Variants in GUCY2C observed in about 807,000 individuals in gnomAD.
GUCY2C encodes the protein guanylate cyclase 2C, also known as guanylyl cyclase C.
Under a neutral mutation model 131.1 loss-of-function variants are expected in GUCY2C, and 118 were observed. The observed-to-expected ratio is 0.90, with a 90% CI of 0.78 to 1.05. The LOEUF (loss-of-function observed/expected upper bound fraction) is 1.05. Ranked by LOEUF, GUCY2C falls within the 50% of genes least tolerant of loss-of-function variation. The probability of loss-of-function intolerance (pLI) is 0.00; values close to 1 mark genes in which losing one functional copy is unlikely to be tolerated. For synonymous variants in GUCY2C, 452 were observed against 457.8 expected, an observed-to-expected ratio of 0.99 and a Z score of 0.16; for missense variants, 1,161 against 1,304.4, an observed-to-expected ratio of 0.89 and a Z score of 1.69.
At chr12:14,684,178 A>G (rs1016604381) in intron 3 of GUCY2C, among the ~76,000 whole-genome samples, 1 of 152,034 alleles carries the variant, frequency 6.6e-6, no homozygotes, top group Non-Finnish European at 1.5e-5. Flanking sequence ...ATTAAATGCA[A>G]CTTCCTTCAC....
intron 21 of GUCY2C, among the ~76,000 whole-genome samples, chr12:14,622,676 C>T (rs1946920537): frequency 6.6e-6 from 1 of 152,096 alleles, no homozygotes; most frequent in South Asian, 2.1e-4. Context: ...TATGGCATTG[C>T]TTAATATTAC....
intron 17 of GUCY2C, 147 bp from the exon 18 acceptor site, chr12:14,641,366 A>C: frequency 2.7e-6 from 2 of 751,462 alleles, no homozygotes; most frequent in Non-Finnish European, 4.2e-6. Flanking sequence ...TATGATTCCA[A>C]ATTTTTGAAA....
intron 6 of GUCY2C, among the ~76,000 whole-genome samples, chr12:14,678,996 C>A (rs890558553): frequency 6.6e-6 from 1 of 152,086 alleles, no homozygotes. Context: ...AGTGACTACG[C>A]CACAGAGGGT....
chr12:14,641,258 G>A lies in GUCY2C; in HGVS notation c.1931-39C>T, dbSNP rs371210883. On this transcript the variant is annotated intron_variant, in intron 17 of 26. Transcript: ENST00000261170. ...CATTGAGATTACAAAGTTGAGGGGG[G>A]TGAGTGGTTCATAGGCCTCCAACCT... is the stretch of plus-strand genomic sequence containing the variant. 1.7e-5 allele frequency: 27 copies of A among 1,607,292 alleles called. No individual in the cohort carries two copies. The African/African-American group carries it at 3.3e-4, about 20-fold the overall frequency.
rs202042180 is a variant in GUCY2C, at chr12:14,696,393, C to T, written c.56G>A (p.Trp19Ter). Residue 19 changes from tryptophan (W) to a stop codon, truncating the protein, a stop_gained, in exon 1 of 27, where the codon TGG becomes TAG. Transcript: ENST00000261170. LOFTEE classifies it high-confidence loss of function. The stretch of plus-strand genomic sequence containing the variant: ...ACTCACCTGGGAACTAAAGGACAGC[C>T]ACCCGGGCTGGAAGAGCAGTGACCA... Reference protein sequence around the residue: ...ALWSLLFQPGWLSFSSQVSQN... With the variant: ...ALWSLLFQPG 9.9e-6 allele frequency: 16 copies of T among 1,614,006 alleles called. No homozygotes were observed. The highest frequency in any genetic ancestry group is 1.3e-5 in the African/African-American group (1 of 74,910).
chr12:14,684,367 T>C (rs1948414773), intron 3 of GUCY2C, among the ~76,000 whole-genome samples: 1 of 151,974 alleles, frequency 6.6e-6, no homozygotes, highest in African/African-American at 2.4e-5. Flanking sequence ...CATCTCCTCA[T>C]CTCTCTACTC....
Position 14,625,905 on chromosome 12 carries a change from C to T in GUCY2C, c.2260G>A (p.Asp754Asn). ...TLAKIFGLFH[D>N]QKNESYMDTL... ...TCCATATAGCTTTCATTTTTTTGGT[C>T]ATGAAAAAGTCTGTAGGTAGTAATA... Residue 754 changes from aspartate to asparagine, a missense_variant, in exon 21 of 27, where the codon GAC becomes AAC. Asp to Asn is a conservative substitution (Grantham distance 23, BLOSUM62 1). Coordinates refer to ENST00000261170, the MANE Select transcript of GUCY2C (RefSeq NM_004963.4). 2 of 1,609,704 alleles carry T rather than the reference C, an allele frequency of 1.2e-6. No homozygotes were observed. The highest frequency in any genetic ancestry group is 1.7e-6 in the Non-Finnish European group (2 of 1,176,660).
At chr12:14,659,719 T>A (rs1008639217) in intron 11 of GUCY2C, among the ~76,000 whole-genome samples, 1 of 152,194 alleles carries the variant, frequency 6.6e-6, no homozygotes, top group Admixed American at 6.5e-5. Context: ...GAGCCAACTG[T>A]CATTCATACT....
At position 14,683,190 on chromosome 12, in the gene GUCY2C, CT is replaced by C. The variant is rs1417567186; in HGVS notation, c.462del (p.Glu155LysfsTer3). ...GGAGACATCAGCCTGGTTAAGGTTT[CT>C]TTATAGTCACATGACAATCCAAAAC... is the stretch of plus-strand genomic sequence containing the variant. ...AGSFGLSCDY[K>X]ETLTRLMSPA... is the part of the protein sequence containing the mutation. On this transcript the variant is annotated frameshift_variant, in exon 4 of 27. Transcript: ENST00000261170. LOFTEE classifies it high-confidence loss of function. The C allele has an allele frequency of 6.2e-7, 1 of 1,613,686 alleles. No homozygotes were observed. The highest frequency in any genetic ancestry group is 1.7e-5 in the Admixed American group (1 of 60,000).
chr12:14,625,653 A>G (rs1592082283), intron 21 of GUCY2C, 104 bp downstream of exon 21: 1 of 1,232,318 alleles, frequency 8.1e-7, no homozygotes, highest in East Asian at 2.4e-5. Context: ...TTTAAAACCA[A>G]TAATCTACTG....
chr12:14,616,511 T>A, intron 25 of GUCY2C, 122 bp downstream of exon 25: 1 of 694,954 alleles, frequency 1.4e-6, no homozygotes, highest in South Asian at 1.6e-5. Context: ...GGATGGAGGG[T>A]GCTCATCGTG....
At chr12:14,686,370 T>C (rs555310905) in intron 2 of GUCY2C, 145 bp from the exon 3 acceptor site, 7 of 645,858 alleles carry the variant, frequency 1.1e-5, no homozygotes, top group Non-Finnish European at 1.9e-5. Flanking sequence ...TAGGGTGCCT[T>C]GGTCTGGACA....
intron 1 of GUCY2C, among the ~76,000 whole-genome samples, chr12:14,692,184 T>G (rs1948586618): frequency 6.6e-6 from 1 of 152,224 alleles, no homozygotes; most frequent in South Asian, 2.1e-4. Context: ...CCTTATTTTT[T>G]TCTACTCTCC....
chr12:14,674,127 T>G (rs535744015), intron 8 of GUCY2C, among the ~76,000 whole-genome samples: 2 of 152,264 alleles, frequency 1.3e-5, no homozygotes, highest in South Asian at 2.1e-4. Flanking sequence ...AGATGGGAGT[T>G]TCACTAGGGG....
intron 10 of GUCY2C, among the ~76,000 whole-genome samples, chr12:14,661,304 C>T (rs1163476282): frequency 1.3e-5 from 2 of 152,116 alleles, no homozygotes; most frequent in Admixed American, 1.3e-4. Context: ...CATCTCTATT[C>T]TTTCTAATAA....
At chr12:14,676,162 A>G (rs954548545) in intron 7 of GUCY2C, among the ~76,000 whole-genome samples, 3 of 152,204 alleles carry the variant, frequency 2.0e-5, no homozygotes, top group Non-Finnish European at 1.5e-5. Context: ...CTCTGTGGGA[A>G]GAATGCATCT....
chr12:14,649,392 T>C (rs1947593140), intron 15 of GUCY2C, among the ~76,000 whole-genome samples: 1 of 152,202 alleles, frequency 6.6e-6, no homozygotes. Flanking sequence ...GTAGTTCTCA[T>C]TATCTATATA....
At chr12:14,681,759 T>C (rs1003344256) in intron 4 of GUCY2C, among the ~76,000 whole-genome samples, 6 of 152,214 alleles carry the variant, frequency 3.9e-5, no homozygotes, top group Non-Finnish European at 8.8e-5. Context: ...ATTTTGTGAA[T>C]ATGTGGCTTG....
At chr12:14,661,405 T>C (rs1947864014) in intron 10 of GUCY2C, among the ~76,000 whole-genome samples, 1 of 152,124 alleles carries the variant, frequency 6.6e-6, no homozygotes, top group African/African-American at 2.4e-5. Context: ...TTGAAACCAA[T>C]ATACCTAAGA....
Sources: gnomAD v4.1 joint callset for allele counts (sites outside exome capture counted in the v4.1 genomes callset) on GRCh38, gnomAD v4.1.1 for gene constraint, MANE v1.5 for transcripts, NCBI Gene and HGNC (gene_info 2026-07-23, HGNC 2026-07-21) for gene names.